The following SNX25 variants were observed in gnomAD, a reference collection of about 807,000 sequenced individuals.
The protein encoded by SNX25 is sorting nexin 25.
In SNX25, 62 loss-of-function variants were observed where a neutral mutation model predicts 113.7. The ratio of observed to expected loss-of-function variants is 0.55; its 90% CI spans 0.44 to 0.67. SNX25 has a LOEUF of 0.67. Among genes scored for constraint, SNX25 ranks in the 30% least tolerant of loss-of-function variants. The pLI is 0.00. For missense variants in SNX25, 1,014 were observed against 1,161.0 expected (o/e 0.87, Z 1.84); for synonymous variants, 421 against 436.2 (o/e 0.97, Z 0.43).
chr4:185,295,724 A>G lies in SNX25; in HGVS notation c.1162+7642A>G, dbSNP rs984460415. 5 of 152,256 alleles carry G rather than the reference A, an allele frequency of 3.3e-5. 1 individual carries two copies. In the South Asian group the frequency reaches 1.0e-3, roughly 32 times the overall value. The allele number at this position is 152,256 out of a possible 1,614,324, so 9.4% of individuals were successfully genotyped here. A position where few individuals can be genotyped will look rare whatever the true frequency, so the allele number is the denominator to read the frequency against. On this transcript the variant is annotated intron_variant, in intron 6 of 18. Coordinates refer to ENST00000652585, the MANE Select transcript of SNX25 (RefSeq NM_001378034.2). ...CTCGGCCTCTCAAAGTGCTGTGATT[A>G]ATCTGAGCCACCACACCTGGCCTGG...
chr4:185,226,283 C>T (rs1183477673), intron 1 of SNX25, among the ~76,000 whole-genome samples: 1 of 152,218 alleles, frequency 6.6e-6, no homozygotes, highest in Non-Finnish European at 1.5e-5. Context: ...TGCATTATAA[C>T]AGCCAGGCAT....
At chr4:185,290,568 A>G (rs1273822169) in intron 6 of SNX25, among the ~76,000 whole-genome samples, 2 of 152,192 alleles carry the variant, frequency 1.3e-5, no homozygotes, top group Non-Finnish European at 2.9e-5. Flanking sequence ...CTTTTTGCAA[A>G]GTTAAACTGC....
At chr4:185,337,653 A>G (rs1055047874) in intron 10 of SNX25, among the ~76,000 whole-genome samples, 27 of 152,066 alleles carry the variant, frequency 1.8e-4, no homozygotes, top group Admixed American at 1.3e-3. Flanking sequence ...TCTGTTTTTA[A>G]TTTTTTGAGG....
intron 11 of SNX25, among the ~76,000 whole-genome samples, chr4:185,339,747 G>A (rs373373324): frequency 2.0e-5 from 3 of 152,104 alleles, no homozygotes; most frequent in Admixed American, 6.5e-5. Context: ...AGTTCTTCCT[G>A]TTCACTGGAA....
intron 5 of SNX25, among the ~76,000 whole-genome samples, chr4:185,279,896 G>GT (rs996686724): frequency 1.2e-3 from 176 of 151,736 alleles, no homozygotes; most frequent in African/African-American, 4.0e-3. Flanking sequence ...TTGTTTTGTT[G>GT]TTTTTTTTGT....
chr4:185,353,206 T>A lies in SNX25; in HGVS notation c.2467-279T>A, dbSNP rs185680679. ...AAAGCCTTAGTTTTGAAATTCAAAA[T>A]GGTTAGAAAACTATTTTATTGTCTA... On this transcript the variant is annotated intron_variant, in intron 14 of 18. Coordinates refer to ENST00000652585, the MANE Select transcript of SNX25 (RefSeq NM_001378034.2). 28 of 256,436 alleles carry A rather than the reference T, an allele frequency of 1.1e-4. No homozygotes were observed. In the East Asian group the frequency reaches 2.0e-3, roughly 19 times the overall value. 15.9% of individuals were successfully genotyped at this position (256,436 alleles called of 1,614,324 possible).
At chr4:185,321,737 T>C (rs1035133707) in intron 8 of SNX25, among the ~76,000 whole-genome samples, 5 of 152,200 alleles carry the variant, frequency 3.3e-5, no homozygotes, top group African/African-American at 1.2e-4. Flanking sequence ...CTGTGGGTTC[T>C]ATATCTGTAG....
At chr4:185,220,769 T>C (rs149808309) in intron 1 of SNX25, among the ~76,000 whole-genome samples, 165 of 152,268 alleles carry the variant, frequency 1.1e-3, no homozygotes, top group African/African-American at 1.7e-3. Context: ...CGTGAGCCAC[T>C]GCGCCCGGCC....
At chr4:185,323,888 A>G in intron 9 of SNX25, 88 bp downstream of exon 9, 1 of 1,387,474 alleles carries the variant, frequency 7.2e-7, no homozygotes, top group South Asian at 1.3e-5. Context: ...GCCAAATTTG[A>G]TGCACATCTT....
At chr4:185,219,118 G>T (rs575914452) in intron 1 of SNX25, among the ~76,000 whole-genome samples, 1 of 152,206 alleles carries the variant, frequency 6.6e-6, no homozygotes, top group African/African-American at 2.4e-5. Flanking sequence ...GACGTTCCCT[G>T]TTGGGGTACT....
chr4:185,261,112 CTCTGTGTG>C (rs907818624), intron 3 of SNX25, among the ~76,000 whole-genome samples: 4 of 114,616 alleles, frequency 3.5e-5, no homozygotes, highest in Admixed American at 8.8e-5. Context: ...GTCTGTCTGT[CTCTGTGTG>C]TGTGTGTGTG....
At position 185,234,681 on chromosome 4, in the gene SNX25, C is replaced by CAA. The variant is rs369613640; in HGVS notation, c.430-12593_430-12592dup. The stretch of plus-strand genomic sequence containing the variant: ...TGGGCGACAGAGCGAGACTCTGTCT[C>CAA]AAAAAAAAAAAAAAAAAAAAAGTTT... On this transcript the variant is annotated intron_variant, in intron 1 of 18. Coordinates refer to ENST00000652585, the MANE Select transcript of SNX25 (RefSeq NM_001378034.2). Among the ~76,000 whole-genome samples, 6 of 16,106 alleles carry CAA rather than the reference C, an allele frequency of 3.7e-4. 1 individual carries two copies. The highest frequency in any genetic ancestry group is 1.0e-3 in the African/African-American group (5 of 4,828). 10.6% of individuals were successfully genotyped at this position (16,106 alleles called of 152,430 possible).
downstream of SNX25, among the ~76,000 whole-genome samples, chr4:185,371,643 T>C (rs2095416562): frequency 6.6e-6 from 1 of 151,328 alleles, no homozygotes; most frequent in Non-Finnish European, 1.5e-5. Flanking sequence ...GTCAACTCCA[T>C]GTTAACCTCA....
At chr4:185,231,000 A>C (rs1305970134) in intron 1 of SNX25, among the ~76,000 whole-genome samples, 1 of 152,036 alleles carries the variant, frequency 6.6e-6, no homozygotes, top group African/African-American at 2.4e-5. Context: ...ACATGTATAT[A>C]TCCACGTGCA....
chr4:185,310,763 G>A lies in SNX25; in HGVS notation c.1291G>A (p.Asp431Asn). ...CCGAATCCTGGGAGGCCCTGCCTAT[G>A]ACCAGCAAGAGGATGGGGCCCTGGA... Reference protein sequence around the residue: ...RIRILGGPAYDQQEDGALDEG... With the variant: ...RIRILGGPAYNQQEDGALDEG... Residue 431 changes from aspartate (D) to asparagine (N), a missense_variant, in exon 7 of 19, where the codon GAC becomes AAC. Physicochemically the swap from Asp to Asn is conservative, Grantham distance 23. Transcript: ENST00000652585. 6.2e-7 allele frequency: 1 copy of A among 1,613,810 alleles called. No individual in the cohort carries two copies. The highest frequency in any genetic ancestry group is 8.5e-7 in the Non-Finnish European group (1 of 1,179,874).
chr4:185,351,460 G>A lies in SNX25; in HGVS notation c.2317G>A (p.Glu773Lys), dbSNP rs771534096. The A allele has an allele frequency of 6.2e-7, 1 of 1,613,880 alleles. No individual in the cohort carries two copies. The highest frequency in any genetic ancestry group is 8.5e-7 in the Non-Finnish European group (1 of 1,179,974). ...NKFLQNLLSDERLCQSEALYA... is the reference protein window; with the variant it reads ...NKFLQNLLSDKRLCQSEALYA... ...TCTTCCATAGAATCTGCTTTCAGATGAAAGACTGTGTCAGAGTGAAGCACT... is the reference window on the plus strand; with the variant it reads ...TCTTCCATAGAATCTGCTTTCAGATAAAAGACTGTGTCAGAGTGAAGCACT... Residue 773 changes from glutamate (E) to lysine (K), a missense_variant, in exon 14 of 19, where the codon GAA becomes AAA. Transcript: ENST00000652585.
At chr4:185,306,483 C>G (rs971023870) in intron 6 of SNX25, among the ~76,000 whole-genome samples, 1 of 152,206 alleles carries the variant, frequency 6.6e-6, no homozygotes, top group African/African-American at 2.4e-5. Flanking sequence ...CTCTTTCTTA[C>G]TTCTCTTTGG....
chr4:185,300,794 T>C (rs966568716), intron 6 of SNX25, among the ~76,000 whole-genome samples: 3 of 150,982 alleles, frequency 2.0e-5, no homozygotes, highest in African/African-American at 7.3e-5. Context: ...CATGAGGGTT[T>C]CACCTTCATG....
intron 6 of SNX25, among the ~76,000 whole-genome samples, chr4:185,300,168 T>A (rs2126640007): frequency 6.6e-6 from 1 of 152,190 alleles, no homozygotes; most frequent in South Asian, 2.1e-4. Flanking sequence ...AGGAAATTTT[T>A]TTTTTTTTTG....
Sources: allele counts gnomAD v4.1 joint callset (sites outside exome capture counted in the v4.1 genomes callset), GRCh38; gene constraint gnomAD v4.1.1; transcripts MANE v1.5; gene names NCBI Gene and HGNC (gene_info 2026-07-23, HGNC 2026-07-21).